COG5: variants seen among roughly 807,000 people sequenced by gnomAD.
COG5 encodes component of oligomeric golgi complex 5.
In COG5, 86 loss-of-function variants were observed where a neutral mutation model predicts 110.4. The ratio of observed to expected loss-of-function variants is 0.78; its 90% CI spans 0.65 to 0.93. COG5 has a LOEUF of 0.93. COG5 is among the 40% of genes least tolerant of loss of function. The pLI is 0.00. For synonymous variants in COG5, 360 were observed against 334.6 expected, an observed-to-expected ratio of 1.08 and a Z score of -0.83; for missense variants, 1,077 against 987.0, an observed-to-expected ratio of 1.09 and a Z score of -1.22.
chr7:107,415,802 GTGTATATATACACACATACACGTATGTA>G (rs1170724534), intron 6 of COG5, among the ~76,000 whole-genome samples: 1 of 123,364 alleles, frequency 8.1e-6, no homozygotes, highest in African/African-American at 2.8e-5. Context: ...GTATGTATGT[GTGTATATATACACACATACACGTATGTA>G]TGTATGTGTG....
intron 6 of COG5, among the ~76,000 whole-genome samples, chr7:107,414,847 C>G (rs1792595832): frequency 1.3e-5 from 2 of 150,956 alleles, no homozygotes; most frequent in African/African-American, 4.9e-5. Flanking sequence ...CCTGCCTCAG[C>G]CTCCCGGGTA....
intron 7 of COG5, among the ~76,000 whole-genome samples, chr7:107,387,916 C>T (rs998394757): frequency 6.6e-6 from 1 of 152,256 alleles, no homozygotes; most frequent in African/African-American, 2.4e-5. Flanking sequence ...TTTTCTTCGA[C>T]TTCAGCAATT....
intron 6 of COG5, among the ~76,000 whole-genome samples, chr7:107,492,188 T>TGC (rs1798014678): frequency 6.6e-6 from 1 of 151,616 alleles, no homozygotes; most frequent in South Asian, 2.1e-4. Context: ...TGTGTGTGTG[T>TGC]GTGTGTGTGT....
At position 107,549,558 on chromosome 7, in the gene COG5, ATT is replaced by A. The variant is rs764100280; in HGVS notation, c.293-1228_293-1227del. The stretch of plus-strand genomic sequence containing the variant: ...AGGCGCCCACCACCACGCCCAGCTA[ATT>A]TTTTTTTTTTTTTTTGTATTTTTAG... On this transcript the variant is annotated intron_variant, in intron 3 of 21. Coordinates refer to ENST00000297135, the MANE Select transcript of COG5 (RefSeq NM_006348.5). Among the ~76,000 whole-genome samples the A allele has an allele frequency of 5.3e-3, 735 of 137,676 alleles. 14 individuals are homozygous for A. Among genetic ancestry groups the A allele is most frequent in the Admixed American group, 0.038 (523 of 13,912 alleles). The allele number at this position is 137,676 out of a possible 152,430, so 90.3% of individuals were successfully genotyped here.
chr7:107,246,692 A>T (rs1802084686), intron 17 of COG5, among the ~76,000 whole-genome samples: 1 of 152,208 alleles, frequency 6.6e-6, no homozygotes, highest in Non-Finnish European at 1.5e-5. Context: ...CACCAGTCAG[A>T]ATGGCTATCA....
chr7:107,246,059 C>T lies in COG5; in HGVS notation c.1853+2337G>A, dbSNP rs116939175. 1.9e-3 allele frequency among the ~76,000 whole-genome samples: 284 copies of T among 152,244 alleles called. 11 individuals carry two copies. The East Asian group carries it at 0.046, about 25-fold the overall frequency. Reference sequence around the variant, plus strand: ...AGAATAGAAAGCCCAGAAATAAGGTCGCACATCTGTGACCATCTGATCTTC... The same window carrying T: ...AGAATAGAAAGCCCAGAAATAAGGTTGCACATCTGTGACCATCTGATCTTC... On this transcript the variant is annotated intron_variant, in intron 17 of 21. Coordinates refer to ENST00000297135, the MANE Select transcript of COG5 (RefSeq NM_006348.5).
chr7:107,384,927 C>G (rs183265291), intron 7 of COG5, among the ~76,000 whole-genome samples: 79 of 152,300 alleles, frequency 5.2e-4, no homozygotes, highest in African/African-American at 1.9e-3. Flanking sequence ...ATATGCTTAA[C>G]AGATGAATTA....
intron 3 of COG5, among the ~76,000 whole-genome samples, chr7:107,550,593 T>A (rs1019267805): frequency 6.6e-6 from 1 of 152,142 alleles, no homozygotes; most frequent in African/African-American, 2.4e-5. Flanking sequence ...ACATGATGGC[T>A]CCTCCTCATC....
chr7:107,410,497 T>C (rs978296764), intron 7 of COG5, among the ~76,000 whole-genome samples: 2 of 152,036 alleles, frequency 1.3e-5, no homozygotes, highest in Non-Finnish European at 2.9e-5. Context: ...GGCTGGAGTG[T>C]GATGGCAGGA....
Position 107,430,435 on chromosome 7 carries a change from C to T in COG5, c.539-17803G>A, listed in dbSNP as rs543285182. On this transcript the variant is annotated intron_variant, in intron 6 of 21. Coordinates refer to ENST00000297135, the MANE Select transcript of COG5 (RefSeq NM_006348.5). ...TATTTCTGGACTCTCAATTCTATTT[C>T]ACTGATCTACATATCTATCTTTATG... 2.6e-5 allele frequency among the ~76,000 whole-genome samples: 4 copies of T among 152,314 alleles called. No homozygotes were observed. In the South Asian group the frequency reaches 8.3e-4, roughly 32 times the overall value.
chr7:107,367,567 T>TAC (rs1451094850), intron 8 of COG5, among the ~76,000 whole-genome samples: 1 of 149,622 alleles, frequency 6.7e-6, no homozygotes, highest in African/African-American at 2.5e-5. Flanking sequence ...TGTGTATATA[T>TAC]ATACACACAC....
At chr7:107,315,172 TA>T (rs1808621147) in intron 11 of COG5, among the ~76,000 whole-genome samples, 2 of 147,802 alleles carry the variant, frequency 1.4e-5, no homozygotes, top group Admixed American at 1.3e-4. Flanking sequence ...TTTTTTTTTT[TA>T]AAGAACATAC....
chr7:107,215,519 C>T (rs1164437629), intron 19 of COG5, among the ~76,000 whole-genome samples: 4 of 151,892 alleles, frequency 2.6e-5, no homozygotes, highest in Middle Eastern at 3.4e-3. Flanking sequence ...AAAAAATTAG[C>T]TGGGTGTGGT....
chr7:107,524,975 C>A (rs1391524286), intron 6 of COG5, among the ~76,000 whole-genome samples: 1 of 152,054 alleles, frequency 6.6e-6, no homozygotes, highest in African/African-American at 2.4e-5. Flanking sequence ...TGTCACCAGG[C>A]TGGAGTGCAG....
At chr7:107,255,921 T>C (rs1318484852) in intron 16 of COG5, among the ~76,000 whole-genome samples, 13 of 152,170 alleles carry the variant, frequency 8.5e-5, no homozygotes, top group Admixed American at 8.5e-4. Context: ...TCAGAGTTAA[T>C]GAGGTCTGCA....
chr7:107,430,845 T>C (rs1235851960), intron 6 of COG5, among the ~76,000 whole-genome samples: 1 of 152,092 alleles, frequency 6.6e-6, no homozygotes, highest in African/African-American at 2.4e-5. Context: ...TTATCCTGGA[T>C]AGGCCCTAAT....
At chr7:107,318,683 T>C (rs1808977950) in intron 11 of COG5, among the ~76,000 whole-genome samples, 1 of 152,194 alleles carries the variant, frequency 6.6e-6, no homozygotes, top group African/African-American at 2.4e-5. Context: ...CCTTTCCTTG[T>C]GCCTGTGTAC....
At chr7:107,412,470 T>C in intron 7 of COG5, 32 bp downstream of exon 7, 2 of 1,601,144 alleles carry the variant, frequency 1.2e-6, no homozygotes, top group South Asian at 2.2e-5. Flanking sequence ...TGACACATTT[T>C]TTACATTAAA....
In COG5 at chr7:107,402,272, A is replaced by G. The variant is rs114272889; in HGVS notation, c.669+10230T>C. Among the ~76,000 whole-genome samples, 461 of 152,270 alleles carry G rather than the reference A, an allele frequency of 3.0e-3. 5 individuals are homozygous for G. The highest frequency in any genetic ancestry group is 0.01 in the African/African-American group (433 of 41,556). ...AAGGCAAGTTCATGAATACTTAGTT[A>G]CTATCACTAGCAACAATTACCACAG... On this transcript the variant is annotated intron_variant, in intron 7 of 21. Coordinates refer to ENST00000297135, the MANE Select transcript of COG5 (RefSeq NM_006348.5).
Sources: allele counts gnomAD v4.1 joint callset (sites outside exome capture counted in the v4.1 genomes callset), GRCh38; gene constraint gnomAD v4.1.1; transcripts MANE v1.5; gene names NCBI Gene and HGNC (gene_info 2026-07-23, HGNC 2026-07-21).